ESCO2: variants seen among roughly 807,000 people sequenced by gnomAD.
The protein encoded by ESCO2 is N-acetyltransferase ESCO2.
Under a neutral mutation model 61.7 loss-of-function variants are expected in ESCO2, and 51 were observed. The ratio of observed to expected loss-of-function variants is 0.83; its 90% CI spans 0.66 to 1.04. ESCO2 has a LOEUF of 1.04. ESCO2 is among the 50% of genes least tolerant of loss of function. The pLI is 0.00. For missense variants in ESCO2, 692 were observed against 686.2 expected (o/e 1.01, Z -0.09); for synonymous variants, 230 against 238.2 (o/e 0.97, Z 0.32).
downstream of ESCO2, among the ~76,000 whole-genome samples, chr8:27,806,637 TA>T (rs1442002802): frequency 5.4e-5 from 8 of 148,236 alleles, no homozygotes; most frequent in African/African-American, 1.8e-4. Context: ...TTTTTTTTTT[TA>T]GACGGAGTTT....
chr8:27,810,351 C>T (rs776800823), downstream of ESCO2: 7 of 1,612,918 alleles, frequency 4.3e-6, no homozygotes, highest in Non-Finnish European at 5.9e-6. Flanking sequence ...AGCAGAAGGA[C>T]GATCTTTAGG....
At chr8:27,784,928 A>T (rs889148208) in intron 5 of ESCO2, among the ~76,000 whole-genome samples, 4 of 152,144 alleles carry the variant, frequency 2.6e-5, no homozygotes, top group African/African-American at 9.7e-5. Flanking sequence ...GTTTGTTTCT[A>T]GTTTTTCTCA....
In ESCO2 at chr8:27,776,631, C is replaced by T; in HGVS notation, c.323C>T (p.Thr108Ile). ...AAGCTGATAAAAGAGAGTAGATCTACTTGTCTAAAAACTAATGATGAAGAT... is the reference window on the plus strand; with the variant it reads ...AAGCTGATAAAAGAGAGTAGATCTATTTGTCTAAAAACTAATGATGAAGAT... ...ERKLIKESRS[T>I]CLKTNDEDKS... The change falls in exon 3 of 11, where the codon ACT becomes ATT. Residue 108 changes from threonine to isoleucine, a missense_variant. Physicochemically the swap from Thr to Ile is moderately conservative, Grantham distance 89. Coordinates refer to ENST00000305188, the MANE Select transcript of ESCO2 (RefSeq NM_001017420.3). The T allele has an allele frequency of 6.2e-7, 1 of 1,613,988 alleles. No individual in the cohort carries two copies. Among genetic ancestry groups the T allele is most frequent in the Non-Finnish European group, 8.5e-7 (1 of 1,180,002 alleles).
rs1202421364 is a variant in ESCO2, at chr8:27,803,194, A to C, written c.1674-112A>C. ...TCTCTAAAATATAAGGCATTTTTTC[A>C]CTTACTAAAAATAAGGTTGATTTAA... On this transcript the variant is annotated intron_variant, in intron 10 of 10. Coordinates refer to ENST00000305188, the MANE Select transcript of ESCO2 (RefSeq NM_001017420.3). The C allele has an allele frequency of 3.0e-5, 28 of 925,466 alleles. 1 individual carries two copies. In the South Asian group the frequency reaches 3.8e-4, roughly 12 times the overall value. 57.3% of individuals were successfully genotyped at this position (925,466 alleles called of 1,614,324 possible).
At chr8:27,793,226 A>G (rs1805216854) in intron 9 of ESCO2, among the ~76,000 whole-genome samples, 1 of 152,190 alleles carries the variant, frequency 6.6e-6, no homozygotes, top group African/African-American at 2.4e-5. Flanking sequence ...TGTTATTAGA[A>G]GTTGGAGAGA....
chr8:27,785,687 A>G (rs1378903801), intron 5 of ESCO2, among the ~76,000 whole-genome samples: 3 of 149,900 alleles, frequency 2.0e-5, no homozygotes, highest in Non-Finnish European at 4.4e-5. Flanking sequence ...GCAACAGAGC[A>G]AGATTCCATC....
intron 9 of ESCO2, among the ~76,000 whole-genome samples, chr8:27,794,212 C>T (rs1805244291): frequency 6.6e-6 from 1 of 152,176 alleles, no homozygotes; most frequent in South Asian, 2.1e-4. Flanking sequence ...GTACAGATTT[C>T]TCTTCAACAT....
rs1469435912 is a variant in ESCO2, at chr8:27,802,645, ATATATATATAT to A, written c.1674-649_1674-639del. On this transcript the variant is annotated intron_variant, in intron 10 of 10. Coordinates refer to ENST00000305188, the MANE Select transcript of ESCO2 (RefSeq NM_001017420.3). The stretch of plus-strand genomic sequence containing the variant: ...AAAAAAAAAAAATATATATATATAT[ATATATATATAT>A]TATATATATATATATATAGTTACTG... 7.8e-4 allele frequency among the ~76,000 whole-genome samples: 59 copies of A among 75,332 alleles called. 1 individual carries two copies. Among genetic ancestry groups the A allele is most frequent in the African/African-American group, 1.1e-3 (19 of 17,392 alleles). The allele number at this position is 75,332 out of a possible 152,430, so 49.4% of individuals were successfully genotyped here. A position where few individuals can be genotyped will look rare whatever the true frequency, so the allele number is the denominator to read the frequency against.
At chr8:27,792,943 A>G in intron 9 of ESCO2, 132 bp downstream of exon 9, 1 of 1,031,454 alleles carries the variant, frequency 9.7e-7, no homozygotes, top group Non-Finnish European at 1.4e-6. Flanking sequence ...GACCTAGTGG[A>G]TAATTGAAGT....
At chr8:27,772,624 G>T, upstream of ESCO2, 2 of 1,413,424 alleles carry the variant, frequency 1.4e-6, no homozygotes, top group Non-Finnish European at 1.9e-6. Flanking sequence ...CGCGGCGGCC[G>T]CCTGGCCCCC....
rs1477075006 is a variant in ESCO2, at chr8:27,788,916, C to A, written c.1201C>A (p.Pro401Thr). ...SCGMIYTASN[P>T]EDEMQHVQHH... ...TGGTATGATATATACTGCTTCCAAC[C>A]CTGAAGATGAAATGCAGCATGTACA... Residue 401 changes from proline to threonine, a missense_variant, in exon 7 of 11, where the codon CCT becomes ACT. Transcript: ENST00000305188. 1.2e-6 allele frequency: 2 copies of A among 1,613,896 alleles called. No individual in the cohort carries two copies. The highest frequency in any genetic ancestry group is 1.1e-5 in the South Asian group (1 of 91,086).
At chr8:27,814,533 T>C (rs144380378), downstream of ESCO2, among the ~76,000 whole-genome samples, 113 of 152,262 alleles carry the variant, frequency 7.4e-4, 1 homozygote, top group East Asian at 0.018. Flanking sequence ...TTTCTGCTCA[T>C]AGCTTTATTC....
chr8:27,796,118 CTT>C (rs1349530847), intron 9 of ESCO2, among the ~76,000 whole-genome samples: 1 of 151,236 alleles, frequency 6.6e-6, no homozygotes, highest in Admixed American at 6.6e-5. Flanking sequence ...ATTGAATCTC[CTT>C]TTTATTGGTT....
downstream of ESCO2, among the ~76,000 whole-genome samples, chr8:27,807,555 A>G (rs1455614975): frequency 6.6e-6 from 1 of 152,130 alleles, no homozygotes; most frequent in Non-Finnish European, 1.5e-5. Context: ...AAGATTGGGT[A>G]TCTGTAGGAT....
Position 27,777,278 on chromosome 8 carries a change from G to C in ESCO2, c.861+109G>C, listed in dbSNP as rs1006775694. 3.0e-6 allele frequency: 3 copies of C among 1,007,942 alleles called. No homozygotes were observed. The Admixed American group carries it at 8.4e-5, about 28-fold the overall frequency. 62.4% of individuals were successfully genotyped at this position (1,007,942 alleles called of 1,614,324 possible). A position where few individuals can be genotyped will look rare whatever the true frequency, so the allele number is the denominator to read the frequency against. On this transcript the variant is annotated intron_variant, in intron 3 of 10. Coordinates refer to ENST00000305188, the MANE Select transcript of ESCO2 (RefSeq NM_001017420.3). ...TGGACTGCTTTTATAAAGCCAGATA[G>C]CATAGTGTTTAGTTACTGTAAGGAG...
intron 7 of ESCO2, among the ~76,000 whole-genome samples, chr8:27,791,351 C>T (rs569342662): frequency 1.3e-5 from 2 of 152,140 alleles, no homozygotes; most frequent in Non-Finnish European, 2.9e-5. Flanking sequence ...TTTGCTTATT[C>T]AGTTAGTTGC....
chr8:27,789,067 A>G, intron 7 of ESCO2, 89 bp downstream of exon 7: 3 of 1,537,874 alleles, frequency 2.0e-6, no homozygotes, highest in South Asian at 1.1e-5. Context: ...CCAGCCGGAA[A>G]AGTTAACTTT....
At position 27,804,891 on chromosome 8, in the gene ESCO2, TTA is replaced by T. The variant is rs1168224229; in HGVS notation, c.*1455_*1456del. The T allele has an allele frequency of 8.8e-6, 4 of 453,652 alleles. No homozygotes were observed. Among genetic ancestry groups the T allele is most frequent in the African/African-American group, 6.4e-5 (3 of 46,742 alleles). 28.1% of individuals were successfully genotyped at this position (453,652 alleles called of 1,614,324 possible). ...TTTGTTATGAATCAATTAAAATTCT[TTA>T]TTTTATACAACTAAATCTGATTTTA... On this transcript the variant is annotated 3_prime_UTR_variant, in exon 11 of 11. Coordinates refer to ENST00000305188, the MANE Select transcript of ESCO2 (RefSeq NM_001017420.3).
chr8:27,807,581 T>C (rs2128960027), downstream of ESCO2, among the ~76,000 whole-genome samples: 1 of 152,336 alleles, frequency 6.6e-6, no homozygotes, highest in East Asian at 1.9e-4. Flanking sequence ...GTAAAGGTTT[T>C]TTCATTCATG....
Sources: allele counts gnomAD v4.1 joint callset (sites outside exome capture counted in the v4.1 genomes callset), GRCh38; gene constraint gnomAD v4.1.1; transcripts MANE v1.5; gene names NCBI Gene and HGNC (gene_info 2026-07-23, HGNC 2026-07-21).